NCAM2: variants seen among roughly 807,000 people sequenced by gnomAD.
NCAM2 encodes N-CAM-2.
Under a neutral mutation model 98.1 loss-of-function variants are expected in NCAM2, and 30 were observed. The ratio of observed to expected loss-of-function variants is 0.31; its 90% CI spans 0.23 to 0.41. The LOEUF (loss-of-function observed/expected upper bound fraction) is 0.41, where lower values mean the gene tolerates loss of function less well. NCAM2 is among the 10% of genes least tolerant of loss of function. The pLI, the probability that NCAM2 is intolerant of heterozygous loss-of-function variation, is 1.00. For synonymous variants in NCAM2, 368 were observed against 342.4 expected (o/e 1.07, Z -0.83); for missense variants, 867 against 1,005.8 (o/e 0.86, Z 1.87).
chr21:21,018,595 G>A (rs973117157), intron 1 of NCAM2, among the ~76,000 whole-genome samples: 7 of 152,070 alleles, frequency 4.6e-5, no homozygotes, highest in East Asian at 1.9e-4. Context: ...GTCTATCATC[G>A]TGTCCCTTTT....
At chr21:21,045,217 C>A (rs931859841) in intron 1 of NCAM2, among the ~76,000 whole-genome samples, 3 of 152,146 alleles carry the variant, frequency 2.0e-5, no homozygotes, top group African/African-American at 4.8e-5. Flanking sequence ...CCACTCCAGT[C>A]CACTCCTGAT....
chr21:21,488,219 G>A (rs190757695), intron 15 of NCAM2, among the ~76,000 whole-genome samples: 8 of 152,004 alleles, frequency 5.3e-5, no homozygotes, highest in Non-Finnish European at 1.2e-4. Context: ...TTACAAGTAT[G>A]CATCCTAGTG....
chr21:21,008,859 G>A (rs1601075902), intron 1 of NCAM2, among the ~76,000 whole-genome samples: 3 of 152,160 alleles, frequency 2.0e-5, no homozygotes, highest in East Asian at 3.9e-4. Flanking sequence ...TATTCTCTCA[G>A]CCTCATTGCT....
intron 1 of NCAM2, among the ~76,000 whole-genome samples, chr21:21,127,243 ATACAT>A (rs1272787855): frequency 6.6e-6 from 1 of 151,946 alleles, no homozygotes; most frequent in Non-Finnish European, 1.5e-5. Flanking sequence ...GTATTTCTTG[ATACAT>A]TACATTTCAG....
chr21:21,161,343 A>T (rs998552304), intron 1 of NCAM2, among the ~76,000 whole-genome samples: 30 of 152,008 alleles, frequency 2.0e-4, no homozygotes, highest in African/African-American at 7.2e-4. Context: ...TATTTATTTT[A>T]TTTATTTATT....
At chr21:21,237,040 T>C (rs1431300974) in intron 1 of NCAM2, among the ~76,000 whole-genome samples, 1 of 152,152 alleles carries the variant, frequency 6.6e-6, no homozygotes, top group Non-Finnish European at 1.5e-5. Flanking sequence ...GCTCCTTATT[T>C]ATGTTTTTAT....
intron 16 of NCAM2, among the ~76,000 whole-genome samples, chr21:21,518,571 T>A (rs1158606561): frequency 6.6e-6 from 1 of 151,882 alleles, no homozygotes; most frequent in African/African-American, 2.4e-5. Flanking sequence ...TTAGTTGTTT[T>A]ATTTAAATAG....
intron 1 of NCAM2, among the ~76,000 whole-genome samples, chr21:21,080,656 C>CAAAAAA (rs1340023403): frequency 9.4e-5 from 5 of 53,256 alleles, no homozygotes; most frequent in East Asian, 7.2e-4. Flanking sequence ...GATAAGATCT[C>CAAAAAA]AAAAAAAAAA....
At chr21:21,319,503 T>C (rs2120666) in intron 5 of NCAM2, among the ~76,000 whole-genome samples, 48,283 of 151,904 alleles carry the variant, frequency 0.32, 8,439 homozygotes, top group African/African-American at 0.46. Context: ...TAGCTGGGCA[T>C]GATGGCGCGT....
chr21:21,402,974 G>GT (rs1164594543), intron 9 of NCAM2, among the ~76,000 whole-genome samples: 1 of 151,988 alleles, frequency 6.6e-6, no homozygotes, highest in Admixed American at 6.6e-5. Context: ...TACCTTCTGG[G>GT]TTTTTTGTAA....
At chr21:21,275,043 C>T (rs540764011) in intron 1 of NCAM2, among the ~76,000 whole-genome samples, 121 of 152,070 alleles carry the variant, frequency 8.0e-4, no homozygotes, top group African/African-American at 2.8e-3. Context: ...TCTGTTTGCT[C>T]TGGGTGCTTA....
At chr21:21,385,310 T>A (rs1295521752) in intron 9 of NCAM2, among the ~76,000 whole-genome samples, 2 of 151,834 alleles carry the variant, frequency 1.3e-5, no homozygotes, top group Non-Finnish European at 1.5e-5. Flanking sequence ...ACTTTTGTTA[T>A]GCATCATGGC....
chr21:21,535,175 T>C (rs1384324592), intron 17 of NCAM2, among the ~76,000 whole-genome samples: 1 of 152,094 alleles, frequency 6.6e-6, no homozygotes, highest in East Asian at 1.9e-4. Context: ...TTGATGTTAT[T>C]TATTTTGCAT....
chr21:21,512,773 A>G (rs995875305), intron 16 of NCAM2, among the ~76,000 whole-genome samples: 4 of 151,960 alleles, frequency 2.6e-5, no homozygotes, highest in African/African-American at 9.7e-5. Context: ...TCAATGTTTT[A>G]TCGTTTTCAT....
intron 11 of NCAM2, among the ~76,000 whole-genome samples, chr21:21,423,740 A>G (rs1267281375): frequency 6.6e-6 from 1 of 151,936 alleles, no homozygotes; most frequent in African/African-American, 2.4e-5. Flanking sequence ...GTTTTGACTC[A>G]TTTTTTAACC....
intron 1 of NCAM2, among the ~76,000 whole-genome samples, chr21:21,015,117 G>C (rs1330070855): frequency 6.6e-6 from 1 of 152,174 alleles, no homozygotes; most frequent in East Asian, 1.9e-4. Flanking sequence ...TTCTTGAGAT[G>C]GAATCTAATT....
chr21:21,066,476 A>G (rs62207573), intron 1 of NCAM2, among the ~76,000 whole-genome samples: 26,236 of 151,950 alleles, frequency 0.17, 2,473 homozygotes, highest in Non-Finnish European at 0.19. Flanking sequence ...TAATTGTTTT[A>G]CTGTTGCTTC....
At chr21:21,259,303 A>G (rs1197083639) in intron 1 of NCAM2, among the ~76,000 whole-genome samples, 1 of 152,186 alleles carries the variant, frequency 6.6e-6, no homozygotes, top group Non-Finnish European at 1.5e-5. Context: ...CCAGAGGGGC[A>G]TATTCATGGT....
chr21:21,479,805 A>G (rs1985665610), intron 15 of NCAM2, among the ~76,000 whole-genome samples: 1 of 151,760 alleles, frequency 6.6e-6, no homozygotes, highest in African/African-American at 2.4e-5. Context: ...AAGAAAATGG[A>G]TAGAATTCTG....
Sources: allele counts gnomAD v4.1 joint callset (sites outside exome capture counted in the v4.1 genomes callset), GRCh38; gene constraint gnomAD v4.1.1; transcripts MANE v1.5; gene names NCBI Gene and HGNC (gene_info 2026-07-23, HGNC 2026-07-21).